CCDC7: variants seen among roughly 807,000 people sequenced by gnomAD.
The protein encoded by CCDC7 is coiled-coil domain-containing protein 7.
In CCDC7, 183 loss-of-function variants were observed where a neutral mutation model predicts 196.9. The ratio of observed to expected loss-of-function variants is 0.93; its 90% CI spans 0.82 to 1.05. The LOEUF (loss-of-function observed/expected upper bound fraction) is 1.05. CCDC7 is among the 50% of genes least tolerant of loss of function. CCDC7 has a pLI of 0.00. For missense variants in CCDC7, 1,540 were observed against 1,482.2 expected (o/e 1.04, Z -0.64); for synonymous variants, 525 against 484.6 (o/e 1.08, Z -1.10).
chr10:32,566,630 G>A (rs893308666), intron 14 of CCDC7, among the ~76,000 whole-genome samples: 6 of 151,894 alleles, frequency 4.0e-5, no homozygotes, highest in African/African-American at 1.5e-4. Context: ...AAAAAATTTG[G>A]CTGGGCATCA....
intron 20 of CCDC7, among the ~76,000 whole-genome samples, chr10:32,641,765 T>A (rs1043371347): frequency 2.0e-5 from 3 of 152,234 alleles, no homozygotes; most frequent in African/African-American, 7.2e-5. Flanking sequence ...GTTCTGTTTT[T>A]TCCCCATCTT....
At chr10:32,845,447 T>C in intron 34 of CCDC7, 96 bp from the exon 36 acceptor site, 2 of 1,252,632 alleles carry the variant, frequency 1.6e-6, no homozygotes, top group Non-Finnish European at 2.3e-6. Flanking sequence ...AGTAAAATTA[T>C]TCATGAATAT....
intron 29 of CCDC7, among the ~76,000 whole-genome samples, chr10:32,801,339 A>G (rs575194806): frequency 5.9e-5 from 9 of 152,292 alleles, no homozygotes; most frequent in African/African-American, 1.9e-4. Context: ...AGGCATTTCC[A>G]GCTCGCTCAC....
chr10:32,778,850 C>T lies in CCDC7; in HGVS notation c.2906-127C>T, dbSNP rs1384966299. The T allele has an allele frequency of 1.2e-5, 8 of 655,346 alleles. No homozygotes were observed. The East Asian group carries it at 1.9e-4, about 16-fold the overall frequency. 40.6% of individuals were successfully genotyped at this position (655,346 alleles called of 1,614,324 possible). ...CATTTATTTGTGCCATTTCTGATTT[C>T]TTTTGCAGTGTTTTTGCAGTTCTCG... is the stretch of plus-strand genomic sequence containing the variant. On this transcript the variant is annotated intron_variant, in intron 28 of 41. Coordinates refer to ENST00000639629, the Ensembl canonical transcript of CCDC7.
chr10:32,656,020 G>T (rs1303100109), intron 20 of CCDC7, among the ~76,000 whole-genome samples: 1 of 151,980 alleles, frequency 6.6e-6, no homozygotes, highest in African/African-American at 2.4e-5. Flanking sequence ...TCATACTGTT[G>T]ATAGTTTTGT....
At chr10:32,827,540 G>C (rs914376161) in intron 32 of CCDC7, among the ~76,000 whole-genome samples, 1 of 151,842 alleles carries the variant, frequency 6.6e-6, no homozygotes. Context: ...CTCAATTTAC[G>C]GCTAAAGAAG....
At chr10:32,524,916 T>G (rs1416021435) in intron 11 of CCDC7, among the ~76,000 whole-genome samples, 3 of 152,210 alleles carry the variant, frequency 2.0e-5, no homozygotes, top group African/African-American at 7.2e-5. Context: ...TGTTGATATA[T>G]TTCTCTAGGT....
chr10:32,869,031 G>A (rs1022061507), intron 41 of CCDC7, among the ~76,000 whole-genome samples: 16 of 152,042 alleles, frequency 1.1e-4, no homozygotes, highest in Admixed American at 3.3e-4. Context: ...ATAAACATAC[G>A]CGTGCATGTG....
At chr10:32,869,255 G>A (rs572474851) in intron 41 of CCDC7, among the ~76,000 whole-genome samples, 15 of 152,170 alleles carry the variant, frequency 9.9e-5, no homozygotes, top group East Asian at 3.9e-4. Flanking sequence ...TTCAATGATC[G>A]CCATTCTAAC....
chr10:32,582,175 C>T (rs2058816894), intron 16 of CCDC7, among the ~76,000 whole-genome samples: 1 of 143,930 alleles, frequency 6.9e-6, no homozygotes, highest in Admixed American at 7.0e-5. Flanking sequence ...CCACCCCACT[C>T]CCCTTTTTTA....
rs141063380 is a variant in CCDC7 at position 32,587,217 on chromosome 10, C to T, written c.1801+2913C>T. Among the ~76,000 whole-genome samples the T allele has an allele frequency of 6.8e-3, 1,028 of 152,242 alleles. 4 individuals are homozygous for T. Among genetic ancestry groups the T allele is most frequent in the Non-Finnish European group, 0.011 (769 of 68,012 alleles). ...TCATTAAGCAATAACTCTCATTCCC[C>T]GCATTTTCCTCCATTTGGGGTTGCT... On this transcript the variant is annotated intron_variant, in intron 18 of 41. Coordinates refer to ENST00000639629, the Ensembl canonical transcript of CCDC7.
intron 24 of CCDC7, among the ~76,000 whole-genome samples, chr10:32,706,870 C>T (rs1046244158): frequency 6.6e-6 from 1 of 152,176 alleles, no homozygotes; most frequent in African/African-American, 2.4e-5. Context: ...GATGGATTTA[C>T]AGCCGAATTC....
intron 32 of CCDC7, among the ~76,000 whole-genome samples, chr10:32,825,946 A>G (rs967400977): frequency 6.6e-6 from 1 of 152,112 alleles, no homozygotes; most frequent in Admixed American, 6.6e-5. Flanking sequence ...GTAAACTCTG[A>G]TGAATCTTTT....
chr10:32,447,016 A>T (rs951279105), upstream of CCDC7, among the ~76,000 whole-genome samples: 1 of 147,070 alleles, frequency 6.8e-6, no homozygotes, highest in South Asian at 2.2e-4. Context: ...GCAATCCATA[A>T]CAGCATATAC....
intron 20 of CCDC7, among the ~76,000 whole-genome samples, chr10:32,651,668 G>A (rs2068785150): frequency 6.6e-6 from 1 of 152,106 alleles, no homozygotes; most frequent in South Asian, 2.1e-4. Flanking sequence ...TCTGTGTGGA[G>A]GAAAAGTTTA....
intron 11 of CCDC7, among the ~76,000 whole-genome samples, chr10:32,518,852 T>C (rs970371075): frequency 6.6e-6 from 1 of 152,122 alleles, no homozygotes; most frequent in Non-Finnish European, 1.5e-5. Context: ...CAGTTCATTA[T>C]ACCAAATAGA....
At chr10:32,836,174 G>A (rs1462323696) in intron 33 of CCDC7, among the ~76,000 whole-genome samples, 1 of 151,972 alleles carries the variant, frequency 6.6e-6, no homozygotes, top group Non-Finnish European at 1.5e-5. Flanking sequence ...GAGAAATACG[G>A]GAAAGAGGCC....
chr10:32,624,984 G>GTTTT (rs35752534), intron 18 of CCDC7, among the ~76,000 whole-genome samples: 14 of 51,680 alleles, frequency 2.7e-4, no homozygotes, highest in Non-Finnish European at 3.6e-4. Flanking sequence ...CTTTGCACAA[G>GTTTT]TTTTTTTTTT....
At chr10:32,881,027 A>G (rs2094773131), downstream of CCDC7, among the ~76,000 whole-genome samples, 1 of 152,200 alleles carries the variant, frequency 6.6e-6, no homozygotes, top group African/African-American at 2.4e-5. Flanking sequence ...TAGTGTTACC[A>G]TTTGATGCCA....
Sources: allele counts gnomAD v4.1 joint callset (sites outside exome capture counted in the v4.1 genomes callset), GRCh38; gene constraint gnomAD v4.1.1; transcripts MANE v1.5; gene names NCBI Gene and HGNC (gene_info 2026-07-23, HGNC 2026-07-21).